Variants in AGBL4 observed in about 807,000 individuals in gnomAD.
The protein encoded by AGBL4 is cytosolic carboxypeptidase 6.
A neutral mutation model predicts 66.4 loss-of-function variants in AGBL4; 58 were observed. The ratio of observed to expected loss-of-function variants is 0.87; its 90% CI spans 0.71 to 1.09. The LOEUF is 1.09. Among genes scored for constraint, AGBL4 ranks in the 50% least tolerant of loss-of-function variants. The pLI, the probability that AGBL4 is intolerant of heterozygous loss-of-function variation, is 0.00. For synonymous variants in AGBL4, 234 were observed against 222.9 expected (o/e 1.05, Z -0.44); for missense variants, 579 against 631.0 (o/e 0.92, Z 0.88).
At chr1:49,741,909 TAA>T (rs1382204082) in intron 2 of AGBL4, among the ~76,000 whole-genome samples, 3 of 151,962 alleles carry the variant, frequency 2.0e-5, no homozygotes, top group Non-Finnish European at 4.4e-5. Context: ...CTCAAAATAA[TAA>T]GAGCTATCTA....
At chr1:49,906,032 G>C (rs1403168089) in intron 1 of AGBL4, among the ~76,000 whole-genome samples, 1 of 151,592 alleles carries the variant, frequency 6.6e-6, no homozygotes. Flanking sequence ...ATAATGTATT[G>C]AGCAGATTAT....
chr1:48,758,483 C>T (rs142456240), intron 6 of AGBL4, among the ~76,000 whole-genome samples: 22 of 152,324 alleles, frequency 1.4e-4, no homozygotes, highest in African/African-American at 5.1e-4. Flanking sequence ...ATTTTGTCAG[C>T]ATTCTCCTTT....
At chr1:48,845,436 A>C (rs1250966780) in intron 6 of AGBL4, among the ~76,000 whole-genome samples, 1 of 152,250 alleles carries the variant, frequency 6.6e-6, no homozygotes, top group African/African-American at 2.4e-5. Flanking sequence ...AGTGAGGAGC[A>C]ATAGATTTGT....
chr1:48,533,844 ACTGAC>A lies in AGBL4; in HGVS notation c.*324_*328del, dbSNP rs1643927210. 3.2e-6 allele frequency: 1 copy of A among 316,004 alleles called. No individual in the cohort carries two copies. The highest frequency in any genetic ancestry group is 6.0e-6 in the Non-Finnish European group (1 of 166,844). 19.6% of individuals were successfully genotyped at this position (316,004 alleles called of 1,614,324 possible). A position where few individuals can be genotyped will look rare whatever the true frequency, so the allele number is the denominator to read the frequency against. ...AAAAATGTAAAGTGGCTTTGAAAGA[ACTGAC>A]CTGATATGTGTCAAATCTCTTAAAA... is the stretch of plus-strand genomic sequence containing the variant. On this transcript the variant is annotated 3_prime_UTR_variant, in exon 14 of 14. Transcript: ENST00000371839.
intron 3 of AGBL4, among the ~76,000 whole-genome samples, chr1:49,555,272 A>G (rs958167169): frequency 3.3e-5 from 5 of 150,514 alleles, no homozygotes; most frequent in Non-Finnish European, 7.4e-5. Context: ...GCTAGACACA[A>G]AAGTTCTCCA....
At chr1:49,341,092 C>T (rs1300703241) in intron 3 of AGBL4, among the ~76,000 whole-genome samples, 1 of 152,136 alleles carries the variant, frequency 6.6e-6, no homozygotes, top group African/African-American at 2.4e-5. Flanking sequence ...CAGGAATGCC[C>T]TAATCTATGT....
chr1:49,504,990 C>G (rs1227081794), intron 3 of AGBL4, among the ~76,000 whole-genome samples: 1 of 151,770 alleles, frequency 6.6e-6, no homozygotes, highest in Non-Finnish European at 1.5e-5. Context: ...TGATTCTTTG[C>G]TTTTTTATCT....
At chr1:49,108,662 A>C (rs944830235) in intron 4 of AGBL4, among the ~76,000 whole-genome samples, 1 of 152,176 alleles carries the variant, frequency 6.6e-6, no homozygotes, top group African/African-American at 2.4e-5. Flanking sequence ...TTATTGACAA[A>C]ATAGTGAATG....
Position 49,507,648 on chromosome 1 carries a change from A to T in AGBL4, c.282+189665T>A, listed in dbSNP as rs1480374965. On this transcript the variant is annotated intron_variant, in intron 3 of 13. Coordinates refer to ENST00000371839, the MANE Select transcript of AGBL4 (RefSeq NM_032785.4). ...TTGGGTGCTTCTTGGAGGAAAAAAT[A>T]ATTATTGATAAATGTTTTTAAGTTC... Among the ~76,000 whole-genome samples, 3 of 152,064 alleles carry T rather than the reference A, an allele frequency of 2.0e-5. No homozygotes were observed. In the East Asian group the frequency reaches 5.8e-4, roughly 29 times the overall value.
At chr1:48,788,405 C>A (rs1242360023) in intron 6 of AGBL4, among the ~76,000 whole-genome samples, 1 of 152,216 alleles carries the variant, frequency 6.6e-6, no homozygotes, top group Non-Finnish European at 1.5e-5. Flanking sequence ...TGCCACCCAC[C>A]ATCCCTTCCT....
chr1:49,192,386 C>T (rs1490179129), intron 4 of AGBL4, among the ~76,000 whole-genome samples: 1 of 152,224 alleles, frequency 6.6e-6, no homozygotes, highest in Non-Finnish European at 1.5e-5. Context: ...GCCACCTCTG[C>T]CTCCTGGGTT....
In AGBL4 at chr1:49,843,176, G is replaced by C. The variant is rs1307614236; in HGVS notation, c.157+8220C>G. 2.0e-5 allele frequency among the ~76,000 whole-genome samples: 3 copies of C among 152,132 alleles called. No individual in the cohort carries two copies. The East Asian group carries it at 5.8e-4, about 29-fold the overall frequency. On this transcript the variant is annotated intron_variant, in intron 2 of 13. Transcript: ENST00000371839. ...GGGTGTTGCTCTCTTGCCCAGGCTA[G>C]AGTGCAGTGGTATGAGCATGGTTCA...
At chr1:48,545,222 G>T (rs1347705406) in intron 11 of AGBL4, among the ~76,000 whole-genome samples, 1 of 152,200 alleles carries the variant, frequency 6.6e-6, no homozygotes, top group East Asian at 1.9e-4. Context: ...GAGATGGGCT[G>T]TTCCAGTAAA....
At chr1:48,845,368 T>C (rs1268820139) in intron 6 of AGBL4, among the ~76,000 whole-genome samples, 2 of 152,080 alleles carry the variant, frequency 1.3e-5, no homozygotes, top group African/African-American at 2.4e-5. Context: ...TGAATAGCAG[T>C]AGTCATCAGG....
intron 4 of AGBL4, among the ~76,000 whole-genome samples, chr1:49,163,453 C>T (rs1646575482): frequency 6.6e-6 from 1 of 152,148 alleles, no homozygotes; most frequent in East Asian, 1.9e-4. Context: ...TTCCTATTTG[C>T]TTCCATAGGA....
chr1:49,702,453 T>G (rs1314454011), intron 2 of AGBL4, among the ~76,000 whole-genome samples: 1 of 152,076 alleles, frequency 6.6e-6, no homozygotes, highest in Non-Finnish European at 1.5e-5. Context: ...ATCGTGCCAC[T>G]GCACTCCAGC....
At chr1:49,001,137 T>C (rs939349473) in intron 5 of AGBL4, among the ~76,000 whole-genome samples, 1 of 152,210 alleles carries the variant, frequency 6.6e-6, no homozygotes, top group Admixed American at 6.5e-5. Flanking sequence ...TTTTAGGAAC[T>C]TGCAGGTCTG....
chr1:49,209,157 A>C (rs749509841), intron 4 of AGBL4, among the ~76,000 whole-genome samples: 6 of 152,168 alleles, frequency 3.9e-5, no homozygotes, highest in Non-Finnish European at 5.9e-5. Flanking sequence ...TTTAAAACTC[A>C]TATAATTACT....
At chr1:49,643,861 T>C (rs1165045885) in intron 3 of AGBL4, among the ~76,000 whole-genome samples, 1 of 151,596 alleles carries the variant, frequency 6.6e-6, no homozygotes. Flanking sequence ...AACTGTAACA[T>C]ATAAAAGTCC....
Sources: gnomAD v4.1 joint callset for allele counts (sites outside exome capture counted in the v4.1 genomes callset) on GRCh38, gnomAD v4.1.1 for gene constraint, MANE v1.5 for transcripts, NCBI Gene and HGNC (gene_info 2026-07-23, HGNC 2026-07-21) for gene names.